Variants in DDX60 observed in about 807,000 individuals in gnomAD.
The protein encoded by DDX60 is DExD/H-box helicase 60.
Under a neutral mutation model 212.8 loss-of-function variants are expected in DDX60, and 165 were observed. The ratio of observed to expected loss-of-function variants is 0.78; its 90% CI spans 0.68 to 0.88. DDX60 has a LOEUF of 0.88. Among genes scored for constraint, DDX60 ranks in the 40% least tolerant of loss-of-function variants. DDX60 has a pLI of 0.00. For missense variants in DDX60, 1,905 were observed against 2,003.9 expected, an observed-to-expected ratio of 0.95 and a Z score of 0.94; for synonymous variants, 703 against 685.3, an observed-to-expected ratio of 1.03 and a Z score of -0.40.
chr4:168,276,633 AC>A (rs1735354786), intron 14 of DDX60, among the ~76,000 whole-genome samples: 2 of 152,104 alleles, frequency 1.3e-5, no homozygotes, highest in South Asian at 4.1e-4. Context: ...AATTCAATCC[AC>A]CTCTTCCAAC....
chr4:168,325,780 T>C, the DDX60 span, among the ~76,000 whole-genome samples: 1 of 152,262 alleles, frequency 6.6e-6, no homozygotes, highest in South Asian at 2.1e-4. Flanking sequence ...CTCAGGATTT[T>C]AAGTTGCAGA....
rs766610111 is a variant in DDX60 at position 168,285,484 on chromosome 4, T to C, written c.1354A>G (p.Met452Val). Reference sequence around the variant, plus strand: ...GGAATAAAACCCAAATTGGGCACCATTTCATTGGAGCTGTCTGTAAACAAA... The same window carrying C: ...GGAATAAAACCCAAATTGGGCACCACTTCATTGGAGCTGTCTGTAAACAAA... ...PSPIKDSSNE[M>V]VPNLGFIPTS... The change falls in exon 11 of 38, where the codon ATG becomes GTG. Residue 452 changes from methionine to valine, a missense_variant. Coordinates refer to ENST00000393743, the MANE Select transcript of DDX60 (RefSeq NM_017631.6). 1 of 1,608,948 alleles carries C rather than the reference T, an allele frequency of 6.2e-7. No homozygotes were observed. The highest frequency in any genetic ancestry group is 8.5e-7 in the Non-Finnish European group (1 of 1,178,082).
intron 18 of DDX60, 151 bp downstream of exon 18, chr4:168,273,128 A>T: frequency 1.3e-6 from 1 of 772,184 alleles, no homozygotes; most frequent in Non-Finnish European, 2.0e-6. Flanking sequence ...AAATGTAACA[A>T]TATTACATTT....
chr4:168,254,869 G>C (rs1253498432), intron 26 of DDX60, among the ~76,000 whole-genome samples: 1 of 152,150 alleles, frequency 6.6e-6, no homozygotes, highest in Non-Finnish European at 1.5e-5. Flanking sequence ...ATTGAGTATT[G>C]GTAGAGGAGA....
At chr4:168,265,835 A>AGGAAGGGAAGGGAAGGGAAGGGAAG (rs138501508) in intron 22 of DDX60, among the ~76,000 whole-genome samples, 1 of 89,218 alleles carries the variant, frequency 1.1e-5, no homozygotes, top group Admixed American at 1.3e-4. Flanking sequence ...GAAGGAGGGA[A>AGGAAGGGAAGGGAAGGGAAGGGAAG]GGAAGGGAAG....
At chr4:168,224,781 G>A (rs1285501686) in intron 34 of DDX60, among the ~76,000 whole-genome samples, 3 of 151,886 alleles carry the variant, frequency 2.0e-5, no homozygotes, top group African/African-American at 7.2e-5. Flanking sequence ...TTTGGAAGTA[G>A]TGCATGAGAA....
intron 28 of DDX60, among the ~76,000 whole-genome samples, chr4:168,249,246 G>A (rs1404919787): frequency 6.6e-6 from 1 of 152,118 alleles, no homozygotes; most frequent in Admixed American, 6.5e-5. Flanking sequence ...TGTCATAACT[G>A]AGCAGAAAAG....
chr4:168,220,622 A>C, intron 37 of DDX60, 33 bp downstream of exon 37: 1 of 1,177,584 alleles, frequency 8.5e-7, no homozygotes, highest in Non-Finnish European at 1.2e-6. Context: ...ATTATTAAAA[A>C]ATCTAAAATC....
chr4:168,259,369 T>C (rs1579009957), intron 25 of DDX60, among the ~76,000 whole-genome samples: 1 of 152,192 alleles, frequency 6.6e-6, no homozygotes. Context: ...GTGAAATGGG[T>C]GAGCTTTGTA....
intron 30 of DDX60, among the ~76,000 whole-genome samples, chr4:168,241,233 A>T (rs183563680): frequency 6.6e-6 from 1 of 152,310 alleles, no homozygotes; most frequent in Admixed American, 6.5e-5. Flanking sequence ...ACTCTTGGGT[A>T]TGTCTTTATC....
intron 35 of DDX60, among the ~76,000 whole-genome samples, chr4:168,222,455 AT>A (rs200649184): frequency 4.0e-5 from 6 of 151,398 alleles, no homozygotes; most frequent in African/African-American, 7.3e-5. Context: ...TGGCACAGCT[AT>A]TTTTTTTTGG....
In DDX60 at chr4:168,268,956, C is replaced by A. The variant is rs1734968194; in HGVS notation, c.2684G>T (p.Gly895Val). 4 of 1,571,600 alleles carry A rather than the reference C, an allele frequency of 2.5e-6. No homozygotes were observed. Among genetic ancestry groups the A allele is most frequent in the Non-Finnish European group, 3.5e-6 (4 of 1,156,290 alleles). The change falls in exon 20 of 38, where the codon GGT becomes GTT. Residue 895 changes from glycine (G) to valine (V), a missense_variant. Transcript: ENST00000393743. ...CCAGATTTCTGCTCCAATTTCTCCA[C>A]CAAGACAATGAACCTATTAAACAAA... is the stretch of plus-strand genomic sequence containing the variant. ...YVIFDEVHCL[G>V]GEIGAEIWEH...
At position 168,267,653 on chromosome 4, in the gene DDX60, C is replaced by T. The variant is rs1354652375; in HGVS notation, c.2968G>A (p.Val990Ile). 3.1e-6 allele frequency: 5 copies of T among 1,603,580 alleles called. No individual in the cohort carries two copies. Among genetic ancestry groups the T allele is most frequent in the Admixed American group, 1.7e-5 (1 of 59,144 alleles). The change falls in exon 22 of 38, where the codon GTA (valine) becomes ATA (isoleucine). Residue 990 changes from valine (V) to isoleucine (I), a missense_variant. By Grantham distance (29) the Val-to-Ile change is conservative. Transcript: ENST00000393743. Reference protein sequence around the residue: ...GERYNDLEKHVCSIKHGDIHF... With the variant: ...GERYNDLEKHICSIKHGDIHF... ...ATGTCACCATGTTTTATTGAACATA[C>T]ATGCTTCTCTAGATCATTATACCTC... is the stretch of plus-strand genomic sequence containing the variant.
At chr4:168,279,291 A>G (rs1735484981) in intron 14 of DDX60, among the ~76,000 whole-genome samples, 1 of 152,248 alleles carries the variant, frequency 6.6e-6, no homozygotes, top group Non-Finnish European at 1.5e-5. Context: ...TTGGAATACT[A>G]GACAATGCAC....
intron 10 of DDX60, 132 bp downstream of exon 10, chr4:168,286,916 G>T: frequency 1.6e-6 from 1 of 624,942 alleles, no homozygotes; most frequent in Non-Finnish European, 2.6e-6. Flanking sequence ...AAGAATAAAG[G>T]TAATTTATTT....
At chr4:168,310,122 T>A (rs1163540342) in intron 3 of DDX60, among the ~76,000 whole-genome samples, 4 of 152,188 alleles carry the variant, frequency 2.6e-5, no homozygotes, top group Non-Finnish European at 5.9e-5. Flanking sequence ...AGACTGCTTT[T>A]CAAAGTACTT....
chr4:168,282,659 A>G (rs907690253), intron 13 of DDX60, among the ~76,000 whole-genome samples: 7 of 152,138 alleles, frequency 4.6e-5, no homozygotes, highest in African/African-American at 1.7e-4. Context: ...CCCAACTTTG[A>G]GGCCACAGAA....
chr4:168,266,696 G>C (rs1441239666), intron 22 of DDX60, among the ~76,000 whole-genome samples: 1 of 152,166 alleles, frequency 6.6e-6, no homozygotes, highest in African/African-American at 2.4e-5. Context: ...TTGGGGCCAG[G>C]TCATAGATGA....
At position 168,225,587 on chromosome 4, in the gene DDX60, T is replaced by C. The variant is rs1405911514; in HGVS notation, c.4623A>G (p.Arg1541=). 6.2e-7 allele frequency: 1 copy of C among 1,611,676 alleles called. No individual in the cohort carries two copies. Among genetic ancestry groups the C allele is most frequent in the Admixed American group, 1.7e-5 (1 of 59,668 alleles). The change falls in exon 34 of 38, where the codon CGA becomes CGG. Residue 1541 remains arginine (R), a synonymous_variant. Coordinates refer to ENST00000393743, the MANE Select transcript of DDX60 (RefSeq NM_017631.6). The part of the protein sequence containing the change: ...KIMEDFTTFL[R]IVSKLADMNQ... ...TCATATCAGCCAGTTTGGAAACAAT[T>C]CGTAGGAAAGTGGTAAAGTCCTCCA...
Sources: allele counts gnomAD v4.1 joint callset (sites outside exome capture counted in the v4.1 genomes callset), GRCh38; gene constraint gnomAD v4.1.1; transcripts MANE v1.5; gene names NCBI Gene and HGNC (gene_info 2026-07-23, HGNC 2026-07-21).